Variants in WDR36 observed in about 807,000 individuals in gnomAD.
WDR36 encodes WD repeat domain 36.
A neutral mutation model predicts 112.7 loss-of-function variants in WDR36; 63 were observed. The ratio of observed to expected loss-of-function variants is 0.56; its 90% CI spans 0.46 to 0.69. The LOEUF is 0.69. WDR36 is among the 30% of genes least tolerant of loss of function. The pLI is 0.00. For synonymous variants in WDR36, 410 were observed against 362.2 expected (o/e 1.13, Z -1.50); for missense variants, 1,226 against 1,070.3 (o/e 1.15, Z -2.03).
intron 4 of WDR36, among the ~76,000 whole-genome samples, chr5:111,099,451 G>GGTTTTTTTTT (rs1753068396): frequency 5.4e-5 from 3 of 55,640 alleles, no homozygotes; most frequent in African/African-American, 1.7e-4. Flanking sequence ...GTTTTTTTTT[G>GGTTTTTTTTT]TTTTTTTTTT....
rs371755412 is a variant in WDR36 at position 111,127,278 on chromosome 5, A to G, written c.*395A>G. ...TGAGTCTCTTCACATTAACTTTTAT[A>G]TGATTTTTAAAAAATTATTACCTGC... On this transcript the variant is annotated 3_prime_UTR_variant, in exon 23 of 23. Transcript: ENST00000513710. 25 of 213,606 alleles carry G rather than the reference A, an allele frequency of 1.2e-4. No individual in the cohort carries two copies. In the South Asian group the frequency reaches 1.4e-3, roughly 12 times the overall value. 13.2% of individuals were successfully genotyped at this position (213,606 alleles called of 1,614,324 possible).
chr5:111,094,987 CTT>C, intron 2 of WDR36, 40 bp downstream of exon 2: 1 of 1,565,688 alleles, frequency 6.4e-7, no homozygotes. Flanking sequence ...CACATCTAAA[CTT>C]TTTTTTTATT....
rs1347736253 is a variant in WDR36 at position 111,127,021 on chromosome 5, CTAAA to C, written c.*141_*144del. On this transcript the variant is annotated 3_prime_UTR_variant, in exon 23 of 23. Coordinates refer to ENST00000513710, the MANE Select transcript of WDR36 (RefSeq NM_139281.3). ...AGTCAGTATATCTCCACTTTAAATG[CTAAA>C]TACTTTCTTGAAATAAAATCGCACC... The C allele has an allele frequency of 1.7e-5, 14 of 810,686 alleles. No homozygotes were observed. In the African/African-American group the frequency reaches 2.5e-4, roughly 14 times the overall value. The allele number at this position is 810,686 out of a possible 1,614,324, so 50.2% of individuals were successfully genotyped here.
intron 14 of WDR36, 64 bp from the exon 15 acceptor site, chr5:111,111,106 G>A: frequency 2.5e-6 from 4 of 1,568,920 alleles, no homozygotes; most frequent in East Asian, 4.5e-5. Context: ...CAAAATTCAA[G>A]TGGAGGTGAG....
intron 3 of WDR36, 106 bp downstream of exon 3, chr5:111,097,285 C>G: frequency 4.9e-6 from 4 of 817,522 alleles, no homozygotes; most frequent in Admixed American, 3.8e-5. Flanking sequence ...TGGAACTATA[C>G]AGTATTCTTT....
At chr5:111,104,967 A>G in intron 9 of WDR36, 150 bp downstream of exon 9, 1 of 1,175,790 alleles carries the variant, frequency 8.5e-7, no homozygotes, top group South Asian at 1.3e-5. Flanking sequence ...CTTTTTGTCT[A>G]CTTGAGAAGC....
chr5:111,104,697 A>G lies in WDR36; in HGVS notation c.907A>G (p.Ile303Val). Residue 303 changes from isoleucine (I) to valine (V), a missense_variant and splice_region_variant, in exon 9 of 23, where the codon ATA (isoleucine) becomes GTA (valine). Transcript: ENST00000513710. Reference sequence around the variant, plus strand: ...AACTGACGTTTTTATTTCTTGGCAGATATGGATATTTGATGGTCCTACAGG... The same window carrying G: ...AACTGACGTTTTTATTTCTTGGCAGGTATGGATATTTGATGGTCCTACAGG... ...VTNGADNALR[I>V]WIFDGPTGEG... is the part of the protein sequence containing the mutation. 5 of 1,610,992 alleles carry G rather than the reference A, an allele frequency of 3.1e-6. No individual in the cohort carries two copies. The highest frequency in any genetic ancestry group is 1.1e-5 in the South Asian group (1 of 91,054).
At chr5:111,119,799 C>T (rs1753528450) in intron 17 of WDR36, among the ~76,000 whole-genome samples, 1 of 152,024 alleles carries the variant, frequency 6.6e-6, no homozygotes, top group Non-Finnish European at 1.5e-5. Context: ...AGACCCTGTT[C>T]ACCTTAATTT....
In WDR36 at chr5:111,130,176, C is replaced by T. The variant is rs1191785720; in HGVS notation, c.*3293C>T. On this transcript the variant is annotated 3_prime_UTR_variant, in exon 23 of 23. Transcript: ENST00000513710. Reference sequence around the variant, plus strand: ...AGAGACCGACAATACCGAGTGCAGTCCTCCCTTGGTATCTAGTTCCAGGAC... The same window carrying T: ...AGAGACCGACAATACCGAGTGCAGTTCTCCCTTGGTATCTAGTTCCAGGAC... The T allele has an allele frequency of 4.8e-6, 1 of 207,502 alleles. No individual in the cohort carries two copies. Among genetic ancestry groups the T allele is most frequent in the East Asian group, 7.2e-5 (1 of 13,808 alleles). 12.9% of individuals were successfully genotyped at this position (207,502 alleles called of 1,614,324 possible).
chr5:111,113,645 C>T (rs756010063), intron 16 of WDR36, among the ~76,000 whole-genome samples: 2 of 151,932 alleles, frequency 1.3e-5, no homozygotes, highest in African/African-American at 2.4e-5. Flanking sequence ...AATATTGAAA[C>T]TTGGTTATTT....
intron 9 of WDR36, 67 bp from the exon 10 acceptor site, chr5:111,105,228 A>AT: frequency 6.7e-7 from 1 of 1,500,788 alleles, no homozygotes. Flanking sequence ...ATTTTATAAA[A>AT]TTTGTGATTC....
chr5:111,104,449 T>G, intron 8 of WDR36, 97 bp downstream of exon 8: 3 of 1,531,170 alleles, frequency 2.0e-6, no homozygotes, highest in Admixed American at 1.7e-5. Context: ...ACCTAGAAGA[T>G]GAAAGGAATA....
rs77005225 is a variant in WDR36 at position 111,094,656 on chromosome 5, A to G, written c.163-264A>G. On this transcript the variant is annotated intron_variant, in intron 1 of 22. Transcript: ENST00000513710. ...AAGTGAGTAGTTGGCAACAGAGACC[A>G]CATGCATTGCCTGCAAAGCCTAAAA... 0.027 allele frequency among the ~76,000 whole-genome samples: 4,058 copies of G among 152,284 alleles called. 209 individuals are homozygous for G. The highest frequency in any genetic ancestry group is 0.093 in the African/African-American group (3,857 of 41,530).
chr5:111,105,420 A>T, intron 10 of WDR36, 60 bp downstream of exon 10: 1 of 1,474,558 alleles, frequency 6.8e-7, no homozygotes, highest in Non-Finnish European at 9.5e-7. Flanking sequence ...ACATTCTATG[A>T]AACAACTGGA....
chr5:111,105,272 G>T, intron 9 of WDR36, 23 bp from the exon 10 acceptor site: 7 of 1,605,840 alleles, frequency 4.4e-6, no homozygotes, highest in Non-Finnish European at 5.1e-6. Context: ...GCTTGATTAG[G>T]GATTTTCTGT....
chr5:111,127,763 A>G lies in WDR36; in HGVS notation c.*880A>G, dbSNP rs1367002456. ...AAATTCCATTGGAAGATGGCCTTTT[A>G]CTGACACTGCAGACATGTAGATAAC... is the stretch of plus-strand genomic sequence containing the variant. On this transcript the variant is annotated 3_prime_UTR_variant, in exon 23 of 23. Coordinates refer to ENST00000513710, the MANE Select transcript of WDR36 (RefSeq NM_139281.3). 1.4e-5 allele frequency: 3 copies of G among 210,780 alleles called. No homozygotes were observed. The highest frequency in any genetic ancestry group is 7.1e-5 in the East Asian group (1 of 14,130). The allele number at this position is 210,780 out of a possible 1,614,324, so 13.1% of individuals were successfully genotyped here. A position where few individuals can be genotyped will look rare whatever the true frequency, so the allele number is the denominator to read the frequency against.
intron 16 of WDR36, among the ~76,000 whole-genome samples, chr5:111,116,028 C>G (rs1022229597): frequency 2.6e-5 from 4 of 151,666 alleles, no homozygotes; most frequent in African/African-American, 9.7e-5. Flanking sequence ...GTGCAACCAC[C>G]GTCTCCCAGG....
At chr5:111,111,960 AC>A (rs1450714440) in intron 15 of WDR36, among the ~76,000 whole-genome samples, 1 of 151,890 alleles carries the variant, frequency 6.6e-6, no homozygotes, top group Non-Finnish European at 1.5e-5. Flanking sequence ...ATACTTAGTG[AC>A]GAACCCAACA....
Position 111,092,638 on chromosome 5 carries a change from A to C in WDR36, c.162+20A>C. On this transcript the variant is annotated intron_variant, in intron 1 of 22. Transcript: ENST00000513710. ...TATGACGTGAGTGACTTCTTTTGTT[A>C]GCTTCCCAGGAAAACCACCCTCCTT... 1 of 1,606,918 alleles carries C rather than the reference A, an allele frequency of 6.2e-7. No homozygotes were observed.
Sources: allele counts gnomAD v4.1 joint callset (sites outside exome capture counted in the v4.1 genomes callset), GRCh38; gene constraint gnomAD v4.1.1; transcripts MANE v1.5; gene names NCBI Gene and HGNC (gene_info 2026-07-23, HGNC 2026-07-21).